The following KIF13A variants were observed in gnomAD, a reference collection of about 807,000 sequenced individuals.
The protein encoded by KIF13A is kinesin family member 13A.
Under a neutral mutation model 212.2 loss-of-function variants are expected in KIF13A, and 79 were observed. The ratio of observed to expected loss-of-function variants is 0.37; its 90% confidence interval spans 0.31 to 0.45. The LOEUF (loss-of-function observed/expected upper bound fraction) is 0.45, where lower values mean the gene tolerates loss of function less well. KIF13A is among the 20% of genes least tolerant of loss of function. The pLI is 1.00. For synonymous variants in KIF13A, 789 were observed against 808.6 expected (o/e 0.98, Z 0.41); for missense variants, 1,901 against 2,209.0 (o/e 0.86, Z 2.79).
chr6:17,760,929 C>A (rs1261393149), downstream of KIF13A: 1 of 1,597,528 alleles, frequency 6.3e-7, no homozygotes, highest in East Asian at 2.2e-5. Context: ...CCTCCCCACC[C>A]CACCCACAGC....
chr6:17,982,456 A>T lies in KIF13A; in HGVS notation c.146+4598T>A, dbSNP rs1044377431. On this transcript the variant is annotated intron_variant, in intron 2 of 38. Coordinates refer to ENST00000259711, the MANE Select transcript of KIF13A (RefSeq NM_022113.6). This position sits in a 1 kb window ranked among gnomAD's most constrained non-coding sequence, Gnocchi z 5.1. ...TCAGACAGGGATACCGCTGGTGAATAAACTAAAAAATACATACAAAGTTTA... is the reference window on the plus strand; with the variant it reads ...TCAGACAGGGATACCGCTGGTGAATTAACTAAAAAATACATACAAAGTTTA... The T allele has an allele frequency of 2.2e-5, 22 of 983,598 alleles. No individual in the cohort carries two copies. The highest frequency in any genetic ancestry group is 2.5e-5 in the Non-Finnish European group (21 of 828,376). 60.9% of individuals were successfully genotyped at this position (983,598 alleles called of 1,614,324 possible). A position where few individuals can be genotyped will look rare whatever the true frequency, so the allele number is the denominator to read the frequency against.
chr6:17,937,539 T>C (rs1776572495), intron 2 of KIF13A, among the ~76,000 whole-genome samples: 2 of 152,168 alleles, frequency 1.3e-5, no homozygotes, highest in Non-Finnish European at 2.9e-5. Flanking sequence ...CATGTAGTAA[T>C]GGGAAGCAAA....
rs938297126 is a variant in KIF13A, at chr6:17,856,269, C to G, written c.221-147G>C. On this transcript the variant is annotated intron_variant, in intron 4 of 38. Transcript: ENST00000259711. The surrounding 1 kb of genome is among the most constrained non-coding windows in gnomAD (Gnocchi z 4.5). Reference sequence around the variant, plus strand: ...TAAGTACAGGGCTGTGTATTAAGAGCTTGATATATGCAATTTCATCCACAC... The same window carrying G: ...TAAGTACAGGGCTGTGTATTAAGAGGTTGATATATGCAATTTCATCCACAC... 6 of 605,960 alleles carry G rather than the reference C, an allele frequency of 9.9e-6. No individual in the cohort carries two copies. The highest frequency in any genetic ancestry group is 1.8e-5 in the Non-Finnish European group (6 of 342,612). 37.5% of individuals were successfully genotyped at this position (605,960 alleles called of 1,614,324 possible). A position where few individuals can be genotyped will look rare whatever the true frequency, so the allele number is the denominator to read the frequency against.
chr6:17,944,549 A>AGC (rs1777220922), intron 2 of KIF13A, among the ~76,000 whole-genome samples: 1 of 152,166 alleles, frequency 6.6e-6, no homozygotes, highest in South Asian at 2.1e-4. Flanking sequence ...AAGACAAAGT[A>AGC]GCTGGCCCCT....
intron 3 of KIF13A, among the ~76,000 whole-genome samples, chr6:17,893,156 C>T (rs1318994920): frequency 6.6e-5 from 10 of 152,196 alleles, no homozygotes; most frequent in Non-Finnish European, 1.5e-5. Context: ...GGGGAAAACA[C>T]CATACATTTG....
chr6:17,907,606 C>T (rs1161310345), intron 2 of KIF13A, among the ~76,000 whole-genome samples: 3 of 149,768 alleles, frequency 2.0e-5, no homozygotes, highest in Non-Finnish European at 3.0e-5. Flanking sequence ...AGGCTGCAAA[C>T]GACTACTTCC....
chr6:17,828,298 A>C lies in KIF13A; in HGVS notation c.1474T>G (p.Cys492Gly). Residue 492 changes from cysteine (C) to glycine (G), a missense_variant, in exon 14 of 39, where the codon TGT (cysteine) becomes GGT (glycine). This residue lies in a region of KIF13A where 506 missense variants were observed against 637.4 expected (regional missense o/e 0.79). Transcript: ENST00000259711. The surrounding 1 kb of genome is among the most constrained non-coding windows in gnomAD (Gnocchi z 4.3). ...CCATCAGATGCAATGTCAATCTCAC[A>C]GTGCTGAGGCTGAATTCCTATGCCA... is the stretch of plus-strand genomic sequence containing the variant. The part of the protein sequence containing the change: ...LFGIGIQPQH[C>G]EIDIASDGDV... 1 of 1,610,598 alleles carries C rather than the reference A, an allele frequency of 6.2e-7. No individual in the cohort carries two copies. Among genetic ancestry groups the C allele is most frequent in the Non-Finnish European group, 8.5e-7 (1 of 1,178,172 alleles).
rs201430788 is a variant in KIF13A at position 17,825,739 on chromosome 6, G to C, written c.1786+29C>G. 6.3e-7 allele frequency: 1 copy of C among 1,596,292 alleles called. No individual in the cohort carries two copies. Among genetic ancestry groups the C allele is most frequent in the African/African-American group, 1.3e-5 (1 of 74,252 alleles). On this transcript the variant is annotated intron_variant, in intron 16 of 38. Transcript: ENST00000259711. The surrounding 1 kb of genome is among the most constrained non-coding windows in gnomAD (Gnocchi z 4.5). ...TGGTGTGAGGTGAGGAAATGCCCAA[G>C]GCGCTGGAACACAGAGTGAGGGTCT...
rs1477125001 is a variant in KIF13A, at chr6:17,912,854, AAGG to A, written c.147-14677_147-14675del. On this transcript the variant is annotated intron_variant, in intron 2 of 38. Transcript: ENST00000259711. The surrounding 1 kb of genome is among the most constrained non-coding windows in gnomAD (Gnocchi z 4.2). The stretch of plus-strand genomic sequence containing the variant: ...AACTCCAAACAGACACTGATGGTAA[AAGG>A]AGAATTTGTTGAGAACATATTTCTA... 1.3e-5 allele frequency among the ~76,000 whole-genome samples: 2 copies of A among 152,172 alleles called. No individual in the cohort carries two copies. Among genetic ancestry groups the A allele is most frequent in the African/African-American group, 4.8e-5 (2 of 41,442 alleles).
Position 17,780,636 on chromosome 6 carries a change from C to T in KIF13A, c.3846+94G>A, listed in dbSNP as rs1040662618. On this transcript the variant is annotated intron_variant, in intron 31 of 38. Coordinates refer to ENST00000259711, the MANE Select transcript of KIF13A (RefSeq NM_022113.6). ...TTGGCCAGGATGGTCATGTTTTGCA[C>T]ATCACAGCACCAAAAAACACTGCTT... The T allele has an allele frequency of 2.0e-5, 24 of 1,202,042 alleles. 1 individual carries two copies. The South Asian group carries it at 2.9e-4, about 14-fold the overall frequency. The allele number at this position is 1,202,042 out of a possible 1,614,324, so 74.5% of individuals were successfully genotyped here.
At chr6:17,831,020 C>CACAGAG (rs1765399724) in intron 13 of KIF13A, 81 bp downstream of exon 13, 1 of 1,356,334 alleles carries the variant, frequency 7.4e-7, no homozygotes, top group African/African-American at 1.5e-5. Flanking sequence ...AAAGCAACAT[C>CACAGAG]ACAGAGACAG....
intron 4 of KIF13A, among the ~76,000 whole-genome samples, chr6:17,869,207 T>C (rs1004882570): frequency 2.0e-5 from 3 of 151,990 alleles, no homozygotes; most frequent in African/African-American, 4.8e-5. Flanking sequence ...CTGTATCTCC[T>C]CCTTTCACAG....
Position 17,785,376 on chromosome 6 carries a change from A to C in KIF13A, c.3488+139T>G. ...AAGGAAAAAAAGGGATGGAAGCATT[A>C]GAGATGAGTGGACATTCCCTAAGTA... On this transcript the variant is annotated intron_variant, in intron 28 of 38. Transcript: ENST00000259711. The surrounding 1 kb of genome is among the most constrained non-coding windows in gnomAD (Gnocchi z 5.8). The C allele has an allele frequency of 2.5e-4, 228 of 908,376 alleles. No individual in the cohort carries two copies. Among genetic ancestry groups the C allele is most frequent in the Non-Finnish European group, 3.3e-4 (213 of 639,410 alleles). The allele number at this position is 908,376 out of a possible 1,614,324, so 56.3% of individuals were successfully genotyped here.
At position 17,785,532 on chromosome 6, in the gene KIF13A, A is replaced by T; in HGVS notation, c.3471T>A (p.Pro1157=). ...VLVPAPGSGI[P]GAPADWIPPP... ...AGCCTTACCAGTCGGCAGGTGCCCC[A>T]GGAATCCCACTGCCTGGGGCTGGCA... Residue 1157 remains proline (P), a synonymous_variant, in exon 28 of 39, where the codon CCT becomes CCA. Coordinates refer to ENST00000259711, the MANE Select transcript of KIF13A (RefSeq NM_022113.6). This position sits in a 1 kb window ranked among gnomAD's most constrained non-coding sequence, Gnocchi z 5.8. 6 of 1,585,154 alleles carry T rather than the reference A, an allele frequency of 3.8e-6. No individual in the cohort carries two copies. The highest frequency in any genetic ancestry group is 5.1e-6 in the Non-Finnish European group (6 of 1,167,336).
At position 17,987,492 on chromosome 6, in the gene KIF13A, G is replaced by T; in HGVS notation, c.-29C>A. On this transcript the variant is annotated 5_prime_UTR_variant, in exon 1 of 39. Transcript: ENST00000259711. This position sits in a 1 kb window ranked among gnomAD's most constrained non-coding sequence, Gnocchi z 7.7. ...GGCTGCGCTCGCCCGGCCGCTCGCC[G>T]CGCCCGCTCGGCCTTAGGCGGCCCC... 1 of 1,240,328 alleles carries T rather than the reference G, an allele frequency of 8.1e-7. No homozygotes were observed. Among genetic ancestry groups the T allele is most frequent in the Non-Finnish European group, 1.0e-6 (1 of 957,748 alleles). 76.8% of individuals were successfully genotyped at this position (1,240,328 alleles called of 1,614,324 possible).
chr6:17,762,562 T>C (rs543751241), downstream of KIF13A, among the ~76,000 whole-genome samples: 10 of 152,230 alleles, frequency 6.6e-5, no homozygotes, highest in East Asian at 1.7e-3. Flanking sequence ...CCCCTAGAGT[T>C]TGTAGCACCT....
chr6:17,760,797 CA>C (rs1472273561), downstream of KIF13A: 122 of 1,573,110 alleles, frequency 7.8e-5, no homozygotes, highest in Non-Finnish European at 1.0e-4. Context: ...GGTGCTTGCC[CA>C]AGGTGACCAG....
downstream of KIF13A, chr6:17,763,626 C>T (rs1215599786): frequency 1.1e-5 from 2 of 175,462 alleles, no homozygotes; most frequent in African/African-American, 4.8e-5. Context: ...TGTCTATTTC[C>T]AATTCTATGA....
rs1311039748 is a variant in KIF13A at position 17,777,890 on chromosome 6, C to T, written c.4093-536G>A. ...GGTGTGGTGGTTCATGTCTATAATC[C>T]CAGCACTCTGGGAGGCTGAGGCAGG... On this transcript the variant is annotated intron_variant, in intron 33 of 38. Coordinates refer to ENST00000259711, the MANE Select transcript of KIF13A (RefSeq NM_022113.6). This position sits in a 1 kb window ranked among gnomAD's most constrained non-coding sequence, Gnocchi z 4.4. Among the ~76,000 whole-genome samples, 1 of 151,640 alleles carries T rather than the reference C, an allele frequency of 6.6e-6. No homozygotes were observed. Among genetic ancestry groups the T allele is most frequent in the African/African-American group, 2.4e-5 (1 of 41,244 alleles).
Sources: gnomAD v4.1 joint callset for allele counts (sites outside exome capture counted in the v4.1 genomes callset) on GRCh38, gnomAD v4.1.1 for gene constraint, gnomAD v4.1.1 regional missense constraint, Gnocchi (gnomAD v3.1) non-coding constraint, MANE v1.5 for transcripts, NCBI Gene and HGNC (gene_info 2026-07-23, HGNC 2026-07-21) for gene names.